The following AUTS2 variants were observed in gnomAD, a reference collection of about 807,000 sequenced individuals.
AUTS2 encodes activator of transcription and developmental regulator AUTS2, also known as autism susceptibility gene 2 protein.
In AUTS2, 17 loss-of-function variants were observed where a neutral mutation model predicts 112.4. The ratio of observed to expected loss-of-function variants is 0.15; its 90% CI spans 0.10 to 0.23. The LOEUF (loss-of-function observed/expected upper bound fraction) is 0.23, where lower values mean the gene tolerates loss of function less well. AUTS2 is among the 10% of genes least tolerant of loss of function. The pLI, the probability that AUTS2 is intolerant of heterozygous loss-of-function variation, is 1.00. For synonymous variants in AUTS2, 751 were observed against 702.7 expected (o/e 1.07, Z -1.09); for missense variants, 1,510 against 1,701.6 (o/e 0.89, Z 1.98).
intron 4 of AUTS2, among the ~76,000 whole-genome samples, chr7:70,142,798 T>C (rs149711683): frequency 6.6e-6 from 1 of 152,314 alleles, no homozygotes; most frequent in East Asian, 1.9e-4. Context: ...TTTTCATCTT[T>C]TTTTCTGACA....
At chr7:70,623,258 G>A (rs187283803) in intron 5 of AUTS2, among the ~76,000 whole-genome samples, 36 of 152,310 alleles carry the variant, frequency 2.4e-4, no homozygotes, top group African/African-American at 8.7e-4. Flanking sequence ...TTATTCAAGT[G>A]CCTGACAGGA....
chr7:69,844,939 GA>G (rs1792130343), intron 1 of AUTS2, among the ~76,000 whole-genome samples: 2 of 152,094 alleles, frequency 1.3e-5, no homozygotes, highest in Non-Finnish European at 2.9e-5. Context: ...CTGTGAAATG[GA>G]CATAATAGGA....
chr7:70,125,309 TTC>T (rs1236752173), intron 3 of AUTS2, among the ~76,000 whole-genome samples: 5 of 151,628 alleles, frequency 3.3e-5, no homozygotes, highest in Non-Finnish European at 7.4e-5. Flanking sequence ...CTTTTGTACT[TTC>T]TTGGACAAGA....
intron 5 of AUTS2, among the ~76,000 whole-genome samples, chr7:70,630,914 A>G (rs931493475): frequency 1.3e-5 from 2 of 152,226 alleles, no homozygotes; most frequent in East Asian, 1.9e-4. Flanking sequence ...GGTATTGTCT[A>G]TCGGGACTTA....
At chr7:69,881,885 C>G (rs1431665974) in intron 1 of AUTS2, among the ~76,000 whole-genome samples, 1 of 152,146 alleles carries the variant, frequency 6.6e-6, no homozygotes, top group East Asian at 1.9e-4. Context: ...GGCGTGGTGG[C>G]TCACACCTGT....
intron 4 of AUTS2, among the ~76,000 whole-genome samples, chr7:70,214,674 AC>A (rs1056836668): frequency 6.6e-6 from 1 of 152,198 alleles, no homozygotes; most frequent in African/African-American, 2.4e-5. Context: ...TGTCACTAGT[AC>A]CTTTTTTTAA....
chr7:69,981,398 C>A (rs779842312), intron 2 of AUTS2, among the ~76,000 whole-genome samples: 1 of 151,946 alleles, frequency 6.6e-6, no homozygotes, highest in African/African-American at 2.4e-5. Flanking sequence ...GGATGTATGT[C>A]ATTTTTATTT....
At chr7:70,439,837 G>C (rs1431183780) in intron 5 of AUTS2, among the ~76,000 whole-genome samples, 1 of 152,104 alleles carries the variant, frequency 6.6e-6, no homozygotes, top group Non-Finnish European at 1.5e-5. Flanking sequence ...TATCCCGTTT[G>C]GTTATGAAGT....
At chr7:70,468,152 G>A (rs1797240483) in intron 5 of AUTS2, among the ~76,000 whole-genome samples, 1 of 152,172 alleles carries the variant, frequency 6.6e-6, no homozygotes, top group Admixed American at 6.5e-5. Context: ...AACAAGTGAG[G>A]GCGATTTGAG....
At chr7:70,259,314 CCTT>C (rs1428677124) in intron 4 of AUTS2, among the ~76,000 whole-genome samples, 1 of 146,036 alleles carries the variant, frequency 6.8e-6, no homozygotes, top group African/African-American at 2.5e-5. Context: ...TTTTTTTTTT[CCTT>C]CTTTTTTTGT....
At chr7:70,218,038 A>T (rs987461586) in intron 4 of AUTS2, among the ~76,000 whole-genome samples, 1 of 152,250 alleles carries the variant, frequency 6.6e-6, no homozygotes, top group Non-Finnish European at 1.5e-5. Flanking sequence ...AACGAGAGAC[A>T]GGAAAGATGC....
intron 4 of AUTS2, among the ~76,000 whole-genome samples, chr7:70,430,828 CTT>C (rs745358887): frequency 6.3e-5 from 6 of 94,512 alleles, no homozygotes; most frequent in African/African-American, 1.8e-4. Context: ...GCAGTGTCGC[CTT>C]TTTTTTTTTT....
rs556028968 is a variant in AUTS2 at position 70,404,680 on chromosome 7, G to A, written c.661-31072G>A. 3.2e-4 allele frequency among the ~76,000 whole-genome samples: 49 copies of A among 152,300 alleles called. 1 individual carries two copies. The highest frequency in any genetic ancestry group is 6.2e-4 in the Non-Finnish European group (42 of 68,018). On this transcript the variant is annotated intron_variant, in intron 4 of 18. Coordinates refer to ENST00000342771, the MANE Select transcript of AUTS2 (RefSeq NM_015570.4). ...TGCATTGCTCTGCATATGTGCAGAG[G>A]AAATTTGGGGGGACCCTGTTCACCT...
Position 70,643,954 on chromosome 7 carries a change from C to T in AUTS2, c.691-54615C>T, listed in dbSNP as rs190488160. Among the ~76,000 whole-genome samples the T allele has an allele frequency of 2.9e-3, 440 of 152,192 alleles. 3 individuals are homozygous for T. The highest frequency in any genetic ancestry group is 4.8e-3 in the South Asian group (23 of 4,800). Reference sequence around the variant, plus strand: ...CAGCCTCTGCTATGACGTCCTGGCTCGCCCCACCTACCATATCTGTGCTGC... The same window carrying T: ...CAGCCTCTGCTATGACGTCCTGGCTTGCCCCACCTACCATATCTGTGCTGC... On this transcript the variant is annotated intron_variant, in intron 5 of 18. Transcript: ENST00000342771.
chr7:69,751,444 C>A (rs1787732996), intron 1 of AUTS2, among the ~76,000 whole-genome samples: 1 of 152,070 alleles, frequency 6.6e-6, no homozygotes, highest in Non-Finnish European at 1.5e-5. Flanking sequence ...AGTGAGGTGA[C>A]AGGGACTTAC....
intron 1 of AUTS2, among the ~76,000 whole-genome samples, chr7:69,674,030 A>G (rs1796449085): frequency 6.6e-6 from 1 of 152,250 alleles, no homozygotes; most frequent in East Asian, 1.9e-4. Context: ...TTTAACAGGT[A>G]AAACAGCACC....
rs186837993 is a variant in AUTS2, at chr7:69,937,680, T to C, written c.522+38182T>C. 8.8e-3 allele frequency among the ~76,000 whole-genome samples: 1,334 copies of C among 152,226 alleles called. 11 individuals carry two copies. The highest frequency in any genetic ancestry group is 0.027 in the Middle Eastern group (8 of 294). ...TCCCTGAGTACAATATTAGGCTTCT[T>C]TTTATTATTATCATTATTTCAACTG... is the stretch of plus-strand genomic sequence containing the variant. On this transcript the variant is annotated intron_variant, in intron 2 of 18. Coordinates refer to ENST00000342771, the MANE Select transcript of AUTS2 (RefSeq NM_015570.4).
intron 1 of AUTS2, among the ~76,000 whole-genome samples, chr7:69,734,909 T>A (rs1786960640): frequency 6.6e-6 from 1 of 152,186 alleles, no homozygotes; most frequent in Non-Finnish European, 1.5e-5. Context: ...ATTCTCAATG[T>A]AAACCATATG....
chr7:70,412,443 G>C (rs79267103), intron 4 of AUTS2, among the ~76,000 whole-genome samples: 2 of 152,114 alleles, frequency 1.3e-5, no homozygotes, highest in Non-Finnish European at 2.9e-5. Context: ...AAGGATCTTC[G>C]TAGAGCAAGG....
Sources: gnomAD v4.1 joint callset for allele counts (sites outside exome capture counted in the v4.1 genomes callset) on GRCh38, gnomAD v4.1.1 for gene constraint, MANE v1.5 for transcripts, NCBI Gene and HGNC (gene_info 2026-07-23, HGNC 2026-07-21) for gene names.